Variants in LRRC7 observed in about 807,000 individuals in gnomAD.
LRRC7 encodes the protein leucine-rich repeat-containing protein 7.
In LRRC7, 23 loss-of-function variants were observed where a neutral mutation model predicts 175.7. The ratio of observed to expected loss-of-function variants is 0.13; its 90% CI spans 0.09 to 0.19. The LOEUF (loss-of-function observed/expected upper bound fraction) is 0.19, where lower values mean the gene tolerates loss of function less well. LRRC7 is among the 10% of genes least tolerant of loss of function. The probability of loss-of-function intolerance (pLI) is 1.00; values close to 1 mark genes in which losing one functional copy is unlikely to be tolerated. For synonymous variants in LRRC7, 685 were observed against 680.9 expected (o/e 1.01, Z -0.09); for missense variants, 1,354 against 1,904.7 (o/e 0.71, Z 5.38).
chr1:69,671,980 G>T (rs759595225), intron 1 of LRRC7, among the ~76,000 whole-genome samples: 4 of 152,052 alleles, frequency 2.6e-5, no homozygotes, highest in African/African-American at 4.8e-5. Flanking sequence ...GTGTTCACCT[G>T]GTTTTTGGTT....
At chr1:69,901,164 T>C (rs977997283) in intron 7 of LRRC7, among the ~76,000 whole-genome samples, 4 of 152,144 alleles carry the variant, frequency 2.6e-5, no homozygotes, top group African/African-American at 9.7e-5. Context: ...GCAGGCAGAC[T>C]AGTGAAGAGG....
intron 1 of LRRC7, among the ~76,000 whole-genome samples, chr1:69,573,287 A>G (rs2100882852): frequency 6.6e-6 from 1 of 152,286 alleles, no homozygotes; most frequent in South Asian, 2.1e-4. Flanking sequence ...TCTCTTCTTC[A>G]TGGCATAAAT....
At chr1:69,972,980 C>CTA (rs146952864) in intron 8 of LRRC7, among the ~76,000 whole-genome samples, 1 of 140,740 alleles carries the variant, frequency 7.1e-6, no homozygotes, top group African/African-American at 2.6e-5. Context: ...TATATAAATA[C>CTA]TATATATATA....
chr1:69,776,902 A>C (rs4142210), intron 3 of LRRC7, among the ~76,000 whole-genome samples: 84,371 of 151,866 alleles, frequency 0.56, 23,902 homozygotes, highest in East Asian at 0.77. Context: ...TGTTTCTTTA[A>C]ATTTTAAGTG....
intron 21 of LRRC7, among the ~76,000 whole-genome samples, chr1:70,043,459 C>A (rs1270334426): frequency 6.6e-6 from 1 of 152,082 alleles, no homozygotes; most frequent in Non-Finnish European, 1.5e-5. Context: ...ACAGACTGAG[C>A]AATGAAGGAG....
chr1:69,750,704 T>G (rs1389867258), intron 2 of LRRC7, among the ~76,000 whole-genome samples: 1 of 152,202 alleles, frequency 6.6e-6, no homozygotes, highest in Non-Finnish European at 1.5e-5. Flanking sequence ...GTCTTATTGC[T>G]GCATCCACTG....
Position 69,863,412 on chromosome 1 carries a change from C to A in LRRC7, c.647+25129C>A, listed in dbSNP as rs370073147. ...TTGTCCTTGAGAACAGGAATCTTGC[C>A]TAGCTTGTTTATCTCTGTATCCTTA... On this transcript the variant is annotated intron_variant, in intron 7 of 26. Coordinates refer to ENST00000651989, the MANE Select transcript of LRRC7 (RefSeq NM_001370785.2). 1.7e-4 allele frequency among the ~76,000 whole-genome samples: 26 copies of A among 152,244 alleles called. 1 individual carries two copies. Among genetic ancestry groups the A allele is most frequent in the African/African-American group, 6.3e-4 (26 of 41,542 alleles).
chr1:69,911,181 T>G (rs1360048646), intron 7 of LRRC7, among the ~76,000 whole-genome samples: 1 of 151,586 alleles, frequency 6.6e-6, no homozygotes, highest in Non-Finnish European at 1.5e-5. Flanking sequence ...CTGCTTCGGC[T>G]CGCGCACGGT....
rs576301564 is a variant in LRRC7 at position 69,778,509 on chromosome 1, C to T, written c.304-13534C>T. Among the ~76,000 whole-genome samples the T allele has an allele frequency of 3.9e-5, 6 of 152,200 alleles. No individual in the cohort carries two copies. In the South Asian group the frequency reaches 1.0e-3, roughly 26 times the overall value. The stretch of plus-strand genomic sequence containing the variant: ...ATATATGCAAGAGTATATGAAAACA[C>T]AGTAGAGAGACAACCAATCCTGCTT... On this transcript the variant is annotated intron_variant, in intron 3 of 26. Coordinates refer to ENST00000651989, the MANE Select transcript of LRRC7 (RefSeq NM_001370785.2).
intron 7 of LRRC7, among the ~76,000 whole-genome samples, chr1:69,891,044 G>A (rs12732137): frequency 0.36 from 55,180 of 152,156 alleles, 12,247 homozygotes; most frequent in East Asian, 0.55. Flanking sequence ...TATCATTCAT[G>A]TATTCACTGA....
chr1:69,688,853 G>C (rs966571701), intron 2 of LRRC7, among the ~76,000 whole-genome samples: 2 of 152,006 alleles, frequency 1.3e-5, no homozygotes, highest in Non-Finnish European at 2.9e-5. Context: ...TTGCTATTTG[G>C]CTTAGCATAA....
At position 69,986,385 on chromosome 1, in the gene LRRC7, A is replaced by G. The variant is rs1372902662; in HGVS notation, c.930A>G (p.Ile310Met). Reference sequence around the variant, plus strand: ...TGTTGCAACAATTGCCTGATTCTATAGGTGAGAATATAATATTTTGTCACA... The same window carrying G: ...TGTTGCAACAATTGCCTGATTCTATGGGTGAGAATATAATATTTTGTCACA... Reference protein sequence around the residue: ...SNMLQQLPDSIGLLKKLTTLK... With the variant: ...SNMLQQLPDSMGLLKKLTTLK... Residue 310 changes from isoleucine to methionine, a missense_variant and splice_region_variant, in exon 10 of 27, where the codon ATA becomes ATG. Around this residue, in one of 4 missense-constraint regions of LRRC7, gnomAD observed 201 missense variants for 481.4 expected, o/e 0.42. Transcript: ENST00000651989. The G allele has an allele frequency of 6.2e-7, 1 of 1,605,662 alleles. No individual in the cohort carries two copies. The highest frequency in any genetic ancestry group is 8.5e-7 in the Non-Finnish European group (1 of 1,177,480).
At chr1:69,583,696 C>T (rs1365766567) in intron 1 of LRRC7, among the ~76,000 whole-genome samples, 1 of 152,058 alleles carries the variant, frequency 6.6e-6, no homozygotes, top group Non-Finnish European at 1.5e-5. Flanking sequence ...AAAATATAGG[C>T]ATTATTCGTT....
chr1:70,064,030 T>C (rs1661781813), intron 23 of LRRC7, among the ~76,000 whole-genome samples: 2 of 151,972 alleles, frequency 1.3e-5, no homozygotes, highest in Admixed American at 6.6e-5. Context: ...CTGAAGTATA[T>C]TACCAGTATC....
chr1:69,627,035 C>T (rs1366641234), intron 1 of LRRC7, among the ~76,000 whole-genome samples: 1 of 152,076 alleles, frequency 6.6e-6, no homozygotes, highest in Non-Finnish European at 1.5e-5. Context: ...AATAAACATA[C>T]ATGTGCTTGT....
intron 6 of LRRC7, among the ~76,000 whole-genome samples, chr1:69,837,436 A>C (rs1341674030): frequency 6.6e-6 from 1 of 151,942 alleles, no homozygotes; most frequent in African/African-American, 2.4e-5. Context: ...TACTGCTGTC[A>C]CAGATTTATG....
intron 13 of LRRC7, chr1:70,014,085 T>C (rs1008574258): frequency 2.0e-5 from 3 of 152,064 alleles, no homozygotes; most frequent in Non-Finnish European, 4.4e-5. Context: ...CAAAGCTTTA[T>C]GCATCAAGAG....
intron 10 of LRRC7, among the ~76,000 whole-genome samples, chr1:69,991,543 T>C (rs1054579435): frequency 6.6e-6 from 1 of 152,134 alleles, no homozygotes; most frequent in Non-Finnish European, 1.5e-5. Flanking sequence ...GAATTCCCTT[T>C]CTTGGTCAAA....
intron 1 of LRRC7, among the ~76,000 whole-genome samples, chr1:69,664,364 G>GT (rs1455370126): frequency 2.6e-5 from 4 of 152,078 alleles, no homozygotes; most frequent in African/African-American, 9.7e-5. Flanking sequence ...TTTATTTTTA[G>GT]TTTTTTCAGG....
Sources: gnomAD v4.1 joint callset for allele counts (sites outside exome capture counted in the v4.1 genomes callset) on GRCh38, gnomAD v4.1.1 for gene constraint, gnomAD v4.1.1 regional missense constraint, MANE v1.5 for transcripts, NCBI Gene and HGNC (gene_info 2026-07-23, HGNC 2026-07-21) for gene names.